The following DTNBP1 variants were observed in gnomAD, a reference collection of about 807,000 sequenced individuals.
DTNBP1 encodes dysbindin.
In DTNBP1, 35 loss-of-function variants were observed where a neutral mutation model predicts 42.8. The ratio of observed to expected loss-of-function variants is 0.82; its 90% CI spans 0.63 to 1.09. The LOEUF (loss-of-function observed/expected upper bound fraction) is 1.09, where lower values mean the gene tolerates loss of function less well. DTNBP1 is among the 50% of genes least tolerant of loss of function. DTNBP1 has a pLI of 0.00. For missense variants in DTNBP1, 457 were observed against 424.2 expected, an observed-to-expected ratio of 1.08 and a Z score of -0.68; for synonymous variants, 171 against 162.2, an observed-to-expected ratio of 1.05 and a Z score of -0.41.
chr6:15,523,708 C>A (rs925933450), intron 9 of DTNBP1: 1 of 1,287,092 alleles, frequency 7.8e-7, no homozygotes, highest in Non-Finnish European at 1.0e-6. Context: ...GTCACTGTTT[C>A]TAAATCTTCC....
chr6:15,585,794 C>T, intron 7 of DTNBP1: 1 of 1,520,632 alleles, frequency 6.6e-7, no homozygotes, highest in Non-Finnish European at 8.8e-7. Flanking sequence ...AACAGAAGCT[C>T]AGTGCTGGTC....
intron 7 of DTNBP1, among the ~76,000 whole-genome samples, chr6:15,538,609 T>C (rs1174671403): frequency 6.6e-6 from 1 of 152,226 alleles, no homozygotes; most frequent in East Asian, 1.9e-4. Context: ...CACAGCAATA[T>C]GGGCTTATTC....
chr6:15,542,622 G>A (rs1350222334), intron 7 of DTNBP1, among the ~76,000 whole-genome samples: 2 of 151,820 alleles, frequency 1.3e-5, no homozygotes, highest in Non-Finnish European at 2.9e-5. Flanking sequence ...CACCCGCCTC[G>A]GCCTCCCAAA....
chr6:15,553,594 C>CTTTTTTTTTTTTTTTTTTT lies in DTNBP1; in HGVS notation c.512-20200_512-20199insAAAAAAAAAAAAAAAAAAA, dbSNP rs56173414. Among the ~76,000 whole-genome samples the CTTTTTTTTTTTTTTTTTTT allele has an allele frequency of 6.3e-4, 46 of 72,946 alleles. 7 individuals carry two copies. The highest frequency in any genetic ancestry group is 1.3e-3 in the Admixed American group (7 of 5,254). The allele number at this position is 72,946 out of a possible 152,430, so 47.9% of individuals were successfully genotyped here. ...CAGTTCAATGCTCTTGACAAGTGAG[C>CTTTTTTTTTTTTTTTTTTT]TTTTTTTTTTTTGGCCTCAGACAGC... On this transcript the variant is annotated intron_variant, in intron 7 of 9. Coordinates refer to ENST00000344537, the MANE Select transcript of DTNBP1 (RefSeq NM_032122.5).
intron 7 of DTNBP1, among the ~76,000 whole-genome samples, chr6:15,575,365 C>T (rs1471433524): frequency 6.6e-6 from 1 of 152,118 alleles, no homozygotes; most frequent in East Asian, 1.9e-4. Flanking sequence ...AAAAAGAAAA[C>T]CAAATAACCC....
chr6:15,576,706 T>C (rs1383545435), intron 7 of DTNBP1, among the ~76,000 whole-genome samples: 1 of 145,314 alleles, frequency 6.9e-6, no homozygotes, highest in Non-Finnish European at 1.5e-5. Context: ...GAGATGGAGG[T>C]TGCAGTGAGC....
intron 4 of DTNBP1, among the ~76,000 whole-genome samples, chr6:15,627,908 C>T (rs1006771402): frequency 5.3e-5 from 8 of 152,000 alleles, no homozygotes; most frequent in Non-Finnish European, 8.8e-5. Flanking sequence ...GAAAAGTTCC[C>T]TAATACATTT....
At chr6:15,590,190 T>G (rs555362338) in intron 7 of DTNBP1, among the ~76,000 whole-genome samples, 24 of 152,318 alleles carry the variant, frequency 1.6e-4, no homozygotes, top group African/African-American at 5.3e-4. Flanking sequence ...TGCCTCAGCC[T>G]TCCAAAGTGC....
chr6:15,576,449 G>A (rs1204644567), intron 7 of DTNBP1, among the ~76,000 whole-genome samples: 1 of 150,828 alleles, frequency 6.6e-6, no homozygotes, highest in East Asian at 2.0e-4. Context: ...TTCTATTCAT[G>A]TCAAGTGATA....
intron 1 of DTNBP1, among the ~76,000 whole-genome samples, chr6:15,658,524 GTTT>G (rs897413784): frequency 6.6e-6 from 1 of 152,100 alleles, no homozygotes; most frequent in African/African-American, 2.4e-5. Context: ...ACAATAGCAG[GTTT>G]TTTTATCCCC....
chr6:15,652,190 T>C (rs1392305505), intron 1 of DTNBP1, 50 bp from the exon 2 acceptor site: 1 of 1,454,744 alleles, frequency 6.9e-7, no homozygotes, highest in African/African-American at 1.4e-5. Context: ...GAGATTATTA[T>C]TATTTTTTTG....
chr6:15,643,360 G>A (rs963203300), intron 3 of DTNBP1, among the ~76,000 whole-genome samples: 1 of 152,112 alleles, frequency 6.6e-6, no homozygotes, highest in Non-Finnish European at 1.5e-5. Context: ...TAAGGAACTT[G>A]GAAAACATAT....
At chr6:15,545,943 C>A in intron 7 of DTNBP1, 1 of 378,420 alleles carries the variant, frequency 2.6e-6, no homozygotes, top group Non-Finnish European at 5.2e-6. Flanking sequence ...GCAGGGCCAG[C>A]TCAGGCAGGC....
chr6:15,534,564 G>A (rs758682152), intron 7 of DTNBP1, among the ~76,000 whole-genome samples: 1 of 151,246 alleles, frequency 6.6e-6, no homozygotes, highest in Non-Finnish European at 1.5e-5. Flanking sequence ...GGAGACTGAG[G>A]CAGGAGAATC....
rs575810070 is a variant in DTNBP1, at chr6:15,642,658, C to T, written c.162-4854G>A. On this transcript the variant is annotated intron_variant, in intron 3 of 9. Transcript: ENST00000344537. ...TAGGTGTCAGTTCTTAGAGCCAATA[C>T]ATCACTACAGTAAGCAGCATCTGAG... is the stretch of plus-strand genomic sequence containing the variant. 8.5e-5 allele frequency among the ~76,000 whole-genome samples: 13 copies of T among 152,336 alleles called. No homozygotes were observed. In the East Asian group the frequency reaches 2.5e-3, roughly 29 times the overall value.
chr6:15,625,149 A>G (rs184915735), intron 5 of DTNBP1, among the ~76,000 whole-genome samples: 1,564 of 152,334 alleles, frequency 0.01, 9 homozygotes, highest in South Asian at 0.017. Context: ...GTCATTCATT[A>G]CTAATTATAA....
At chr6:15,548,729 G>T (rs1774035804) in intron 7 of DTNBP1, among the ~76,000 whole-genome samples, 1 of 151,856 alleles carries the variant, frequency 6.6e-6, no homozygotes, top group Non-Finnish European at 1.5e-5. Flanking sequence ...CTCATATAAA[G>T]AAATTTTGAC....
chr6:15,602,218 C>G (rs989381042), intron 6 of DTNBP1, among the ~76,000 whole-genome samples: 6 of 152,064 alleles, frequency 3.9e-5, no homozygotes, highest in Non-Finnish European at 8.8e-5. Context: ...GAAAAAGAGA[C>G]CTGCTTCTTA....
intron 3 of DTNBP1, among the ~76,000 whole-genome samples, chr6:15,648,852 A>G (rs1238558006): frequency 6.6e-6 from 1 of 152,086 alleles, no homozygotes; most frequent in Non-Finnish European, 1.5e-5. Context: ...CCCCAATGAC[A>G]TTCTTTGCAA....
Sources: allele counts gnomAD v4.1 joint callset (sites outside exome capture counted in the v4.1 genomes callset), GRCh38; gene constraint gnomAD v4.1.1; transcripts MANE v1.5; gene names NCBI Gene and HGNC (gene_info 2026-07-23, HGNC 2026-07-21).